Variants in FRYL observed in about 807,000 individuals in gnomAD.
FRYL encodes protein furry homolog-like.
A neutral mutation model predicts 351.2 loss-of-function variants in FRYL; 150 were observed. The observed-to-expected ratio is 0.43, with a 90% CI of 0.37 to 0.49. FRYL has a LOEUF of 0.49. Among genes scored for constraint, FRYL ranks in the 20% least tolerant of loss-of-function variants. The pLI is 0.00. For missense variants in FRYL, 3,036 were observed against 3,619.3 expected, an observed-to-expected ratio of 0.84 and a Z score of 4.13; for synonymous variants, 1,153 against 1,257.1, an observed-to-expected ratio of 0.92 and a Z score of 1.75.
intron 3 of FRYL, among the ~76,000 whole-genome samples, chr4:48,641,207 C>CTG (rs1755246818): frequency 6.6e-6 from 1 of 152,012 alleles, no homozygotes; most frequent in Non-Finnish European, 1.5e-5. Flanking sequence ...AATGTGTATG[C>CTG]TGTGTGTGTT....
At chr4:48,628,269 A>G (rs1353003497) in intron 4 of FRYL, among the ~76,000 whole-genome samples, 2 of 152,180 alleles carry the variant, frequency 1.3e-5, no homozygotes, top group African/African-American at 4.8e-5. Flanking sequence ...CTGCCTATCA[A>G]TAGAGACTGA....
intron 22 of FRYL, among the ~76,000 whole-genome samples, chr4:48,579,718 G>C (rs1251896949): frequency 1.3e-5 from 2 of 152,074 alleles, no homozygotes; most frequent in African/African-American, 4.8e-5. Context: ...TATGTTCAAA[G>C]AAAAGTATAT....
At chr4:48,651,970 C>A (rs1757784976) in intron 3 of FRYL, among the ~76,000 whole-genome samples, 1 of 152,244 alleles carries the variant, frequency 6.6e-6, no homozygotes, top group African/African-American at 2.4e-5. Context: ...AAGACACCTT[C>A]ATGAGATGTG....
chr4:48,497,866 C>T lies in FRYL; in HGVS notation c.*1556G>A, dbSNP rs1323770008. 6.6e-6 allele frequency: 1 copy of T among 152,532 alleles called. No individual in the cohort carries two copies. The highest frequency in any genetic ancestry group is 1.5e-5 in the Non-Finnish European group (1 of 68,026). The allele number at this position is 152,532 out of a possible 1,614,324, so 9.4% of individuals were successfully genotyped here. On this transcript the variant is annotated 3_prime_UTR_variant, in exon 64 of 64. Transcript: ENST00000358350. ...AGCAGTCCAATGGTGTGCACAGTGC[C>T]TTCAATTAATGCACTTGAGCATACG...
At position 48,620,665 on chromosome 4, in the gene FRYL, C is replaced by T; in HGVS notation, c.288G>A (p.Arg96=). The change falls in exon 6 of 64, where the codon AGG becomes AGA. Residue 96 remains arginine, a synonymous_variant. Coordinates refer to ENST00000358350, the MANE Select transcript of FRYL (RefSeq NM_015030.2). The part of the protein sequence containing the change: ...NGTEDESYEY[R]PRSSTKSKGD... ...CCTTAGACTTTGTGCTAGACCGAGG[C>T]CTATATTCATAAGATTCATCTTCCG... is the stretch of plus-strand genomic sequence containing the variant. 1 of 1,613,746 alleles carries T rather than the reference C, an allele frequency of 6.2e-7. No individual in the cohort carries two copies. The highest frequency in any genetic ancestry group is 8.5e-7 in the Non-Finnish European group (1 of 1,179,746).
intron 3 of FRYL, among the ~76,000 whole-genome samples, chr4:48,682,920 AC>A (rs1764771694): frequency 6.6e-6 from 1 of 152,202 alleles, no homozygotes; most frequent in Non-Finnish European, 1.5e-5. Flanking sequence ...ATTACTGGGT[AC>A]ATACCCAAAG....
intron 2 of FRYL, among the ~76,000 whole-genome samples, chr4:48,710,286 T>A (rs1285743132): frequency 6.6e-6 from 1 of 152,150 alleles, no homozygotes; most frequent in Non-Finnish European, 1.5e-5. Flanking sequence ...AGAGTACAAA[T>A]AAGGCACATA....
intron 26 of FRYL, among the ~76,000 whole-genome samples, chr4:48,572,864 G>A (rs1206281686): frequency 1.3e-5 from 2 of 152,100 alleles, no homozygotes; most frequent in African/African-American, 2.4e-5. Flanking sequence ...GTTTACGAAC[G>A]CTTTCATGCT....
At chr4:48,713,715 G>C (rs141702938) in intron 1 of FRYL, among the ~76,000 whole-genome samples, 1 of 152,070 alleles carries the variant, frequency 6.6e-6, no homozygotes, top group African/African-American at 2.4e-5. Flanking sequence ...AGATCAATGA[G>C]ATAGAAAGTT....
At chr4:48,683,723 A>G (rs1764894850) in intron 3 of FRYL, among the ~76,000 whole-genome samples, 1 of 152,232 alleles carries the variant, frequency 6.6e-6, no homozygotes, top group Non-Finnish European at 1.5e-5. Context: ...TGACTTTTAG[A>G]AGCAGATTGT....
At chr4:48,715,158 C>T (rs1299787200) in intron 1 of FRYL, among the ~76,000 whole-genome samples, 7 of 151,896 alleles carry the variant, frequency 4.6e-5, no homozygotes, top group Admixed American at 3.3e-4. Flanking sequence ...AAACCCACAG[C>T]CCATATCATA....
In FRYL at chr4:48,598,953, A is replaced by G. The variant is rs1041020961; in HGVS notation, c.1036-2953T>C. 3 of 493,872 alleles carry G rather than the reference A, an allele frequency of 6.1e-6. No individual in the cohort carries two copies. The African/African-American group carries it at 6.3e-5, about 10-fold the overall frequency. The allele number at this position is 493,872 out of a possible 1,614,324, so 30.6% of individuals were successfully genotyped here. A position where few individuals can be genotyped will look rare whatever the true frequency, so the allele number is the denominator to read the frequency against. On this transcript the variant is annotated intron_variant, in intron 13 of 63. Coordinates refer to ENST00000358350, the MANE Select transcript of FRYL (RefSeq NM_015030.2). Reference sequence around the variant, plus strand: ...GTTAGATGAAAATAAGCACAAAACAAGACAGCTCTTCACCAAGGTCTCTAT... The same window carrying G: ...GTTAGATGAAAATAAGCACAAAACAGGACAGCTCTTCACCAAGGTCTCTAT...
rs1005340632 is a variant in FRYL at position 48,778,831 on chromosome 4, T to C, written c.-384+1247A>G. On this transcript the variant is annotated intron_variant, in intron 1 of 63. Transcript: ENST00000358350. ...ACTTTACTTCCATCAAAACCCTTTT[T>C]CCCCCCCAATCCGACAGACCCTGGC... 3.4e-4 allele frequency among the ~76,000 whole-genome samples: 51 copies of C among 151,754 alleles called. No homozygotes were observed. The East Asian group carries it at 9.1e-3, about 27-fold the overall frequency.
chr4:48,561,085 A>G (rs1375860203), intron 33 of FRYL, among the ~76,000 whole-genome samples: 1 of 152,256 alleles, frequency 6.6e-6, no homozygotes, highest in African/African-American at 2.4e-5. Flanking sequence ...AAAACTGCCT[A>G]TAACTTTATC....
intron 4 of FRYL, among the ~76,000 whole-genome samples, chr4:48,627,259 A>C (rs946449709): frequency 3.3e-5 from 5 of 152,098 alleles, no homozygotes; most frequent in African/African-American, 1.2e-4. Flanking sequence ...GAATACAGTA[A>C]GAGGTTTCTT....
rs779009764 is a variant in FRYL, at chr4:48,557,096, G to A, written c.4148C>T (p.Ser1383Leu). ...TGTGGTCCACACATTCTCCACCTCC[G>A]ACCAGGCCAGTTCATCGCCATACTA... is the stretch of plus-strand genomic sequence containing the variant. The part of the protein sequence containing the change: ...TAKYGDELAW[S>L]EVENVWTTLA... Residue 1383 changes from serine (S) to leucine (L), a missense_variant, in exon 35 of 64, where the codon TCG becomes TTG. Transcript: ENST00000358350. 57 of 1,598,586 alleles carry A rather than the reference G, an allele frequency of 3.6e-5. No individual in the cohort carries two copies. The highest frequency in any genetic ancestry group is 2.3e-4 in the African/African-American group (17 of 72,520).
Position 48,586,633 on chromosome 4 carries a change from T to G in FRYL, c.1736A>C (p.Glu579Ala). Residue 579 changes from glutamate to alanine, a missense_variant, in exon 19 of 64, where the codon GAA (glutamate) becomes GCA (alanine). Glu to Ala is a moderately radical substitution (Grantham distance 107). Around this residue, in one of 7 missense-constraint regions of FRYL, gnomAD observed 78 missense variants for 106.6 expected, o/e 0.73. Transcript: ENST00000358350. The stretch of plus-strand genomic sequence containing the variant: ...AATTCTCATTTACCTTGCTAACAAT[T>G]CAATCAGGTCAGTTCTGCTCATACC... Reference protein sequence around the residue: ...PDGMSRTDLIELLARLTIHMD... With the variant: ...PDGMSRTDLIALLARLTIHMD... 6.2e-7 allele frequency: 1 copy of G among 1,607,990 alleles called. No homozygotes were observed. Among genetic ancestry groups the G allele is most frequent in the Non-Finnish European group, 8.5e-7 (1 of 1,174,838 alleles).
chr4:48,756,856 G>A (rs561853535), intron 1 of FRYL, among the ~76,000 whole-genome samples: 4 of 152,206 alleles, frequency 2.6e-5, no homozygotes, highest in Non-Finnish European at 5.9e-5. Context: ...GCTGAAGTGG[G>A]AGGACTGCTC....
intron 3 of FRYL, among the ~76,000 whole-genome samples, chr4:48,667,724 T>C (rs1204151097): frequency 1.3e-5 from 2 of 152,164 alleles, no homozygotes; most frequent in African/African-American, 4.8e-5. Context: ...CTCAGTTCAC[T>C]GTAACCTCCG....
Sources: gnomAD v4.1 joint callset for allele counts (sites outside exome capture counted in the v4.1 genomes callset) on GRCh38, gnomAD v4.1.1 for gene constraint, gnomAD v4.1.1 regional missense constraint, MANE v1.5 for transcripts, NCBI Gene and HGNC (gene_info 2026-07-23, HGNC 2026-07-21) for gene names.